Variants in NOS2 observed in about 807,000 individuals in gnomAD.
NOS2 encodes the protein nitric oxide synthase, inducible.
Under a neutral mutation model 136.0 loss-of-function variants are expected in NOS2, and 96 were observed. The ratio of observed to expected loss-of-function variants is 0.71; its 90% CI spans 0.60 to 0.84. NOS2 has a LOEUF of 0.84. Among genes scored for constraint, NOS2 ranks in the 40% least tolerant of loss-of-function variants. The pLI, the probability that NOS2 is intolerant of heterozygous loss-of-function variation, is 0.00. For missense variants in NOS2, 1,237 were observed against 1,496.9 expected (o/e 0.83, Z 2.87); for synonymous variants, 539 against 587.5 (o/e 0.92, Z 1.20).
chr17:27,790,121 C>T (rs561211989), intron 2 of NOS2, among the ~76,000 whole-genome samples: 1 of 152,202 alleles, frequency 6.6e-6, no homozygotes, highest in Non-Finnish European at 1.5e-5. Context: ...TGAAACAGAG[C>T]CTTGCACTGT....
chr17:27,781,828 G>A (rs1029757263), intron 7 of NOS2, among the ~76,000 whole-genome samples, 187 bp downstream of exon 7: 1 of 152,182 alleles, frequency 6.6e-6, no homozygotes, highest in Non-Finnish European at 1.5e-5. Flanking sequence ...GCCGATGGGA[G>A]CTGAGCTCAC....
rs200482005 is a variant in NOS2, at chr17:27,780,990, G to A, written c.864+46C>T. 126 of 1,603,990 alleles carry A rather than the reference G, an allele frequency of 7.9e-5. No individual in the cohort carries two copies. In the African/African-American group the frequency reaches 1.3e-3, roughly 17 times the overall value. On this transcript the variant is annotated intron_variant, in intron 8 of 26. Transcript: ENST00000313735. ...CTCCACTCTGTCACTCGCTCACCAC[G>A]GGGCTCCCCGCCCCAATGGCCGGTG... is the stretch of plus-strand genomic sequence containing the variant.
chr17:27,772,317 G>A lies in NOS2; in HGVS notation c.1695C>T (p.Phe565=), dbSNP rs531708405. 6.2e-7 allele frequency: 1 copy of A among 1,614,162 alleles called. No individual in the cohort carries two copies. The highest frequency in any genetic ancestry group is 8.5e-7 in the Non-Finnish European group (1 of 1,180,034). The change falls in exon 14 of 27, where the codon TTC becomes TTT. Residue 565 remains phenylalanine, a synonymous_variant. Coordinates refer to ENST00000313735, the MANE Select transcript of NOS2 (RefSeq NM_000625.4). ...CCCACTGAGCCAGTACCTTGGGGTT[G>A]AAGGCACAGCTGAATAAGGCCCCCA... ...WDLGALFSCA[F]NPKVVCMDKY...
At chr17:27,777,738 G>A (rs12944039) in intron 11 of NOS2, among the ~76,000 whole-genome samples, 34,511 of 152,090 alleles carry the variant, frequency 0.23, 3,920 homozygotes, top group South Asian at 0.32. Flanking sequence ...ATTCTAGTGG[G>A]GGAAACCAAA....
At chr17:27,760,482 C>T (rs550266685) in intron 24 of NOS2, 141 bp downstream of exon 24, 6 of 1,146,456 alleles carry the variant, frequency 5.2e-6, no homozygotes, top group African/African-American at 3.1e-5. Flanking sequence ...CATTCTAACC[C>T]GCAGAGGCCC....
rs193203390 is a variant in NOS2 at position 27,770,883 on chromosome 17, C to A, written c.1809+30G>T. The A allele has an allele frequency of 1.2e-4, 189 of 1,566,804 alleles. 1 individual carries two copies. In the Admixed American group the frequency reaches 1.5e-3, roughly 12 times the overall value. On this transcript the variant is annotated intron_variant, in intron 15 of 26. Transcript: ENST00000313735. ...TGGGTCCTCCCGTGCCCTACCACCC[C>A]CTAGACCAGCCAGACCTCAAGCCAC...
At chr17:27,783,353 T>G (rs1385724843) in intron 5 of NOS2, among the ~76,000 whole-genome samples, 4 of 152,204 alleles carry the variant, frequency 2.6e-5, no homozygotes, top group Non-Finnish European at 4.4e-5. Flanking sequence ...CACATTTTCA[T>G]TTTTACATTG....
chr17:27,768,235 T>C (rs1340929093), intron 17 of NOS2, among the ~76,000 whole-genome samples: 1 of 151,970 alleles, frequency 6.6e-6, no homozygotes, highest in Non-Finnish European at 1.5e-5. Flanking sequence ...GTATTTTCGG[T>C]AGAGGCAGGT....
At chr17:27,757,423 C>T (rs1437001408) in intron 26 of NOS2, 70 bp from the exon 27 acceptor site, 9 of 1,269,498 alleles carry the variant, frequency 7.1e-6, no homozygotes, top group African/African-American at 2.9e-5. Flanking sequence ...TGCCCAGCTT[C>T]CCTATCACAT....
At chr17:27,780,950 C>A in intron 8 of NOS2, 44 bp from the exon 9 acceptor site, 1 of 1,598,096 alleles carries the variant, frequency 6.3e-7, no homozygotes, top group South Asian at 1.1e-5. Context: ...GCCCGGGCTG[C>A]GTGTCTCCTC....
In NOS2 at chr17:27,800,372, G is replaced by A. The variant is rs1597564119; in HGVS notation, c.-107C>T. Reference sequence around the variant, plus strand: ...TGGCTGCACTGCCTCCCCGGGGTAAGGACAGTCAAACCAGGAAGAGACCTG... The same window carrying A: ...TGGCTGCACTGCCTCCCCGGGGTAAAGACAGTCAAACCAGGAAGAGACCTG... On this transcript the variant is annotated 5_prime_UTR_variant, in exon 1 of 27. Coordinates refer to ENST00000313735, the MANE Select transcript of NOS2 (RefSeq NM_000625.4). 6.6e-6 allele frequency: 1 copy of A among 152,240 alleles called. No individual in the cohort carries two copies. Among genetic ancestry groups the A allele is most frequent in the Non-Finnish European group, 1.5e-5 (1 of 68,060 alleles). 9.4% of individuals were successfully genotyped at this position (152,240 alleles called of 1,614,324 possible). A position where few individuals can be genotyped will look rare whatever the true frequency, so the allele number is the denominator to read the frequency against.
chr17:27,791,074 A>G (rs1237662414), intron 2 of NOS2, among the ~76,000 whole-genome samples: 4 of 152,252 alleles, frequency 2.6e-5, no homozygotes, highest in African/African-American at 9.6e-5. Context: ...AAAAATGACT[A>G]TATGTTACCA....
At chr17:27,759,391 G>A (rs1034399002) in intron 25 of NOS2, among the ~76,000 whole-genome samples, 41 of 152,146 alleles carry the variant, frequency 2.7e-4, no homozygotes, top group African/African-American at 9.7e-4. Flanking sequence ...CCCTGCCCAG[G>A]GCTCTGCCTA....
At position 27,767,689 on chromosome 17, in the gene NOS2, G is replaced by A. The variant is rs565636018; in HGVS notation, c.2167+16C>T. 1.6e-5 allele frequency: 26 copies of A among 1,612,676 alleles called. No individual in the cohort carries two copies. In the Admixed American group the frequency reaches 1.7e-4, roughly 10 times the overall value. ...CCAACACAAACAAGCCCCATGTGCT[G>A]CAGAGAAGCAGGTACCTTTGCTGAG... On this transcript the variant is annotated intron_variant, in intron 18 of 26. Transcript: ENST00000313735.
At chr17:27,799,066 C>T (rs1029422040) in intron 1 of NOS2, among the ~76,000 whole-genome samples, 184 bp from the exon 2 acceptor site, 5 of 152,126 alleles carry the variant, frequency 3.3e-5, no homozygotes, top group African/African-American at 1.2e-4. Context: ...GACTTCAATT[C>T]TGTAAAGCCA....
chr17:27,788,145 T>C (rs928388938), intron 4 of NOS2, among the ~76,000 whole-genome samples: 2 of 152,044 alleles, frequency 1.3e-5, no homozygotes, highest in Non-Finnish European at 2.9e-5. Context: ...GAACATGATA[T>C]TGGTATTTGG....
intron 2 of NOS2, among the ~76,000 whole-genome samples, chr17:27,798,297 C>T (rs180967644): frequency 2.0e-5 from 3 of 152,288 alleles, no homozygotes; most frequent in Non-Finnish European, 4.4e-5. Context: ...ATGCCCTTCA[C>T]CAGGATGATA....
At chr17:27,761,929 C>G (rs907909231) in intron 22 of NOS2, among the ~76,000 whole-genome samples, 1 of 152,176 alleles carries the variant, frequency 6.6e-6, no homozygotes, top group Non-Finnish European at 1.5e-5. Context: ...GTCTGGGTGG[C>G]TGTTCTCTAG....
At chr17:27,778,849 C>T in intron 10 of NOS2, 33 bp downstream of exon 10, 3 of 1,611,992 alleles carry the variant, frequency 1.9e-6, no homozygotes, top group Non-Finnish European at 2.5e-6. Context: ...CAGGCCCACA[C>T]CTTCATCTGG....
Sources: gnomAD v4.1 joint callset for allele counts (sites outside exome capture counted in the v4.1 genomes callset) on GRCh38, gnomAD v4.1.1 for gene constraint, MANE v1.5 for transcripts, NCBI Gene and HGNC (gene_info 2026-07-23, HGNC 2026-07-21) for gene names.